The following SFMBT2 variants were observed in gnomAD, a reference collection of about 807,000 sequenced individuals.
SFMBT2 encodes Scm like with four mbt domains 2.
Under a neutral mutation model 110.1 loss-of-function variants are expected in SFMBT2, and 38 were observed. That is an observed-to-expected ratio of 0.35 (90% CI 0.27 to 0.45). SFMBT2 has a LOEUF of 0.45. Among genes scored for constraint, SFMBT2 ranks in the 20% least tolerant of loss-of-function variants. The pLI is 1.00. For synonymous variants in SFMBT2, 425 were observed against 425.4 expected (o/e 1.00, Z 0.01); for missense variants, 1,011 against 1,094.9 (o/e 0.92, Z 1.08).
intron 4 of SFMBT2, among the ~76,000 whole-genome samples, chr10:7,291,698 G>A (rs185116502): frequency 3.3e-5 from 5 of 152,280 alleles, no homozygotes; most frequent in Admixed American, 3.3e-4. Flanking sequence ...TCAGAGAGTG[G>A]GCATGGGAGT....
chr10:7,180,561 C>G (rs980586829), intron 16 of SFMBT2, among the ~76,000 whole-genome samples: 6 of 152,134 alleles, frequency 3.9e-5, no homozygotes, highest in Non-Finnish European at 8.8e-5. Flanking sequence ...CCATGAAGAG[C>G]CTTTAACCCC....
intron 1 of SFMBT2, among the ~76,000 whole-genome samples, chr10:7,403,128 G>A (rs1414438050): frequency 6.6e-6 from 1 of 152,138 alleles, no homozygotes; most frequent in Admixed American, 6.5e-5. Flanking sequence ...TTTAAAAACA[G>A]TAATGTAAGC....
intron 4 of SFMBT2, among the ~76,000 whole-genome samples, chr10:7,355,074 G>T (rs1039918810): frequency 1.3e-5 from 2 of 152,132 alleles, no homozygotes; most frequent in African/African-American, 4.8e-5. Flanking sequence ...CAGATTAAAA[G>T]ATAAAATATC....
chr10:7,241,696 C>A (rs1270107910), intron 9 of SFMBT2, among the ~76,000 whole-genome samples: 3 of 152,068 alleles, frequency 2.0e-5, no homozygotes, highest in African/African-American at 7.2e-5. Context: ...TTCTTAATAT[C>A]ATAAAACTCA....
chr10:7,381,810 T>C lies in SFMBT2; in HGVS notation c.89A>G (p.Asp30Gly). 3 of 1,613,058 alleles carry C rather than the reference T, an allele frequency of 1.9e-6. No homozygotes were observed. Among genetic ancestry groups the C allele is most frequent in the Non-Finnish European group, 2.5e-6 (3 of 1,179,556 alleles). ...AAACAAAATCCTACCAGAATCAAGGTCTCCATTTCCATTAGCTGAGCCGAG... is the reference window on the plus strand; with the variant it reads ...AAACAAAATCCTACCAGAATCAAGGCCTCCATTTCCATTAGCTGAGCCGAG... ...KCLGSANGNG[D>G]LDSEEGSSLE... Residue 30 changes from aspartate to glycine, a missense_variant, in exon 2 of 21, where the codon GAC becomes GGC. Transcript: ENST00000397167.
At chr10:7,342,740 C>G (rs1386091267) in intron 4 of SFMBT2, among the ~76,000 whole-genome samples, 2 of 152,202 alleles carry the variant, frequency 1.3e-5, no homozygotes, top group Non-Finnish European at 2.9e-5. Flanking sequence ...ATTTACCTAA[C>G]TCCATTATTA....
At position 7,172,169 on chromosome 10, in the gene SFMBT2, G is replaced by A; in HGVS notation, c.2152-11C>T. 6.5e-7 allele frequency: 1 copy of A among 1,536,584 alleles called. No homozygotes were observed. Among genetic ancestry groups the A allele is most frequent in the Non-Finnish European group, 8.8e-7 (1 of 1,141,004 alleles). On this transcript the variant is annotated splice_polypyrimidine_tract_variant and intron_variant, in intron 18 of 20. Coordinates refer to ENST00000397167, the MANE Select transcript of SFMBT2 (RefSeq NM_001387889.1). The surrounding 1 kb of genome is among the most constrained non-coding windows in gnomAD (Gnocchi z 4.6). The stretch of plus-strand genomic sequence containing the variant: ...CTCCTCTTCACTTTCCTGGGAAGGA[G>A]GAAAAGGCATTTAAGGGGCTGGTGG...
In SFMBT2 at chr10:7,171,909, G is replaced by A; in HGVS notation, c.2401C>T (p.Pro801Ser). ...EEGEKCPPTK[P>S]EGTEDTKQEE... ...CCGGGCATCACCTCTGTCCCCTCGG[G>A]CTTGGTCGGCGGGCACTTCTCCCCT... The change falls in exon 19 of 21, where the codon CCC becomes TCC. Residue 801 changes from proline to serine, a missense_variant. Transcript: ENST00000397167. The surrounding 1 kb of genome is among the most constrained non-coding windows in gnomAD (Gnocchi z 4.9). The A allele has an allele frequency of 7.0e-7, 1 of 1,435,558 alleles. No homozygotes were observed. Among genetic ancestry groups the A allele is most frequent in the Non-Finnish European group, 9.1e-7 (1 of 1,097,432 alleles). 88.9% of individuals were successfully genotyped at this position (1,435,558 alleles called of 1,614,324 possible).
intron 4 of SFMBT2, among the ~76,000 whole-genome samples, chr10:7,353,200 C>T (rs968478761): frequency 1.2e-4 from 18 of 151,988 alleles, no homozygotes; most frequent in African/African-American, 3.9e-4. Context: ...CCAAAAAACA[C>T]CAGGCACAGA....
chr10:7,247,350 C>A (rs1840651643), intron 8 of SFMBT2, among the ~76,000 whole-genome samples: 2 of 152,164 alleles, frequency 1.3e-5, no homozygotes, highest in Non-Finnish European at 2.9e-5. Flanking sequence ...CTCCTGACCT[C>A]AGGTGATCAT....
chr10:7,222,228 T>G (rs1839765088), intron 10 of SFMBT2, among the ~76,000 whole-genome samples: 1 of 152,246 alleles, frequency 6.6e-6, no homozygotes, highest in Non-Finnish European at 1.5e-5. Flanking sequence ...GCACCAGAGC[T>G]TATCTATCCA....
At chr10:7,390,829 T>A (rs1265921956) in intron 1 of SFMBT2, among the ~76,000 whole-genome samples, 2 of 152,190 alleles carry the variant, frequency 1.3e-5, no homozygotes, top group African/African-American at 4.8e-5. Flanking sequence ...GCCTGGTGCG[T>A]TGGCTCATGC....
intron 4 of SFMBT2, among the ~76,000 whole-genome samples, chr10:7,329,029 T>G (rs746625649): frequency 6.6e-6 from 1 of 152,310 alleles, no homozygotes; most frequent in African/African-American, 2.4e-5. Context: ...TGAATTCACA[T>G]GAGGCTGCCA....
At position 7,408,440 on chromosome 10, in the gene SFMBT2, C is replaced by G. The variant is rs984370032; in HGVS notation, c.-52+2421G>C. Among the ~76,000 whole-genome samples the G allele has an allele frequency of 1.3e-4, 20 of 152,366 alleles. No individual in the cohort carries two copies. Among genetic ancestry groups the G allele is most frequent in the Admixed American group, 1.2e-3 (19 of 15,312 alleles). ...TTCTGCGCTCCTGCAAACCACGTTGCTGCGCTAACTACAAACCTGGCCAAC... is the reference window on the plus strand; with the variant it reads ...TTCTGCGCTCCTGCAAACCACGTTGGTGCGCTAACTACAAACCTGGCCAAC... On this transcript the variant is annotated intron_variant, in intron 1 of 20. Transcript: ENST00000397167. This position sits in a 1 kb window ranked among gnomAD's most constrained non-coding sequence, Gnocchi z 5.7.
In SFMBT2 at chr10:7,219,179, A is replaced by G. The variant is rs185074116; in HGVS notation, c.1330+1232T>C. ...TGCTTCTCCAAGAGCAGTTCACCCA[A>G]CTCTAGGTGGAGCTGTGAAAATAAA... is the stretch of plus-strand genomic sequence containing the variant. On this transcript the variant is annotated intron_variant, in intron 11 of 20. Coordinates refer to ENST00000397167, the MANE Select transcript of SFMBT2 (RefSeq NM_001387889.1). Among the ~76,000 whole-genome samples the G allele has an allele frequency of 3.0e-4, 46 of 152,236 alleles. 1 individual carries two copies. In the East Asian group the frequency reaches 8.1e-3, roughly 27 times the overall value.
At chr10:7,381,474 C>T (rs1845419908) in intron 2 of SFMBT2, among the ~76,000 whole-genome samples, 1 of 152,178 alleles carries the variant, frequency 6.6e-6, no homozygotes, top group Non-Finnish European at 1.5e-5. Flanking sequence ...TCCAACCCTG[C>T]TCTTCTCACT....
At chr10:7,199,710 GTTAAAGCTACTTATAAAACTGCTCT>G (rs1838892627) in intron 14 of SFMBT2, among the ~76,000 whole-genome samples, 1 of 152,186 alleles carries the variant, frequency 6.6e-6, no homozygotes, top group Non-Finnish European at 1.5e-5. Context: ...CAAAATTTTA[GTTAAAGCTACTTATAAAACTGCTCT>G]TTACTACCAA....
chr10:7,281,632 A>G (rs540863332), intron 6 of SFMBT2, among the ~76,000 whole-genome samples: 72 of 152,280 alleles, frequency 4.7e-4, no homozygotes, highest in African/African-American at 1.6e-3. Context: ...CAACAGGGGT[A>G]GTACAGCCTC....
intron 4 of SFMBT2, among the ~76,000 whole-genome samples, chr10:7,358,664 G>A (rs746307416): frequency 2.1e-4 from 32 of 150,206 alleles, no homozygotes; most frequent in Middle Eastern, 3.5e-3. Flanking sequence ...TCAGCATGGC[G>A]CTAGAACATC....
Sources: gnomAD v4.1 joint callset for allele counts (sites outside exome capture counted in the v4.1 genomes callset) on GRCh38, gnomAD v4.1.1 for gene constraint, Gnocchi (gnomAD v3.1) non-coding constraint, MANE v1.5 for transcripts, NCBI Gene and HGNC (gene_info 2026-07-23, HGNC 2026-07-21) for gene names.